ADCK1: variants seen among roughly 807,000 people sequenced by gnomAD.
ADCK1 encodes the protein aarF domain containing kinase 1, also known as aarF domain-containing protein kinase 1.
In ADCK1, 41 loss-of-function variants were observed where a neutral mutation model predicts 52.3. That is an observed-to-expected ratio of 0.78 (90% CI 0.61 to 1.02). The LOEUF is 1.02. Among genes scored for constraint, ADCK1 ranks in the 50% least tolerant of loss-of-function variants. The probability of loss-of-function intolerance (pLI) is 0.00; values close to 1 mark genes in which losing one functional copy is unlikely to be tolerated. For missense variants in ADCK1, 658 were observed against 679.5 expected, an observed-to-expected ratio of 0.97 and a Z score of 0.35; for synonymous variants, 250 against 274.6, an observed-to-expected ratio of 0.91 and a Z score of 0.89.
At chr14:77,899,060 T>G in intron 5 of ADCK1, 40 bp from the exon 6 acceptor site, 2 of 1,611,518 alleles carry the variant, frequency 1.2e-6, no homozygotes, top group South Asian at 2.2e-5. Flanking sequence ...CCTTGGTATA[T>G]GCTGTGGGCC....
chr14:77,870,289 A>G (rs2082749060), intron 4 of ADCK1, among the ~76,000 whole-genome samples: 1 of 151,928 alleles, frequency 6.6e-6, no homozygotes, highest in African/African-American at 2.4e-5. Flanking sequence ...TGACATCTCC[A>G]CTCTTCCCGC....
At chr14:77,845,955 G>C (rs1259468060) in intron 3 of ADCK1, among the ~76,000 whole-genome samples, 1 of 152,120 alleles carries the variant, frequency 6.6e-6, no homozygotes, top group Non-Finnish European at 1.5e-5. Context: ...GTGTGAGATG[G>C]TGCTGGATCT....
chr14:77,905,303 G>GTTTTTTTTTTTTTTT lies in ADCK1; in HGVS notation c.742-2500_742-2499insTTTTTTTTTTTTTTT, dbSNP rs1566722295. On this transcript the variant is annotated intron_variant, in intron 6 of 10. Coordinates refer to ENST00000238561, the MANE Select transcript of ADCK1 (RefSeq NM_020421.4). ...TTCCACCTGTGACTCTTTCCTAGCT[G>GTTTTTTTTTTTTTTT]GTTTTTTTTTTTTTTTTTTTTGAGA... Among the ~76,000 whole-genome samples, 4 of 65,372 alleles carry GTTTTTTTTTTTTTTT rather than the reference G, an allele frequency of 6.1e-5. No individual in the cohort carries two copies. In the South Asian group the frequency reaches 1.2e-3, roughly 20 times the overall value. The allele number at this position is 65,372 out of a possible 152,430, so 42.9% of individuals were successfully genotyped here.
chr14:77,816,889 T>TATATATTTAATATATATTTAA (rs2081464815), intron 1 of ADCK1, among the ~76,000 whole-genome samples: 3 of 143,658 alleles, frequency 2.1e-5, no homozygotes, highest in African/African-American at 7.5e-5. Context: ...TAAATATATA[T>TATATATTTAATATATATTTAA]ATATATATAT....
intron 7 of ADCK1, among the ~76,000 whole-genome samples, chr14:77,914,928 T>C (rs2083882511): frequency 6.7e-6 from 1 of 149,006 alleles, no homozygotes; most frequent in Non-Finnish European, 1.5e-5. Flanking sequence ...ATTAAGCATA[T>C]GGTACCCCCT....
chr14:77,933,162 G>A (rs1346915882), intron 10 of ADCK1, 58 bp from the exon 11 acceptor site: 18 of 1,572,288 alleles, frequency 1.1e-5, no homozygotes, highest in Non-Finnish European at 1.6e-5. Context: ...AAATGATACA[G>A]AGCTAGTGTT....
intron 7 of ADCK1, among the ~76,000 whole-genome samples, chr14:77,909,127 C>CT (rs55821210): frequency 0.3 from 31,287 of 103,248 alleles, 5,420 homozygotes; most frequent in Middle Eastern, 0.36. Flanking sequence ...GAGGTAAATG[C>CT]TTTTTTTTTT....
chr14:77,908,038 G>T, intron 7 of ADCK1, 119 bp downstream of exon 7: 1 of 756,034 alleles, frequency 1.3e-6, no homozygotes. Flanking sequence ...CTTTAATAGG[G>T]CCCATTGTCT....
chr14:77,806,831 C>T (rs1408306863), intron 1 of ADCK1, among the ~76,000 whole-genome samples: 1 of 152,056 alleles, frequency 6.6e-6, no homozygotes, highest in African/African-American at 2.4e-5. Flanking sequence ...TCTTGTGCCT[C>T]AGCCTCCTGA....
intron 7 of ADCK1, among the ~76,000 whole-genome samples, chr14:77,911,995 C>T (rs1198203514): frequency 2.6e-5 from 4 of 152,198 alleles, no homozygotes; most frequent in South Asian, 2.1e-4. Context: ...AGCTCTCTCA[C>T]GTCCCTCCCG....
At chr14:77,924,263 AG>A (rs1231672023) in intron 7 of ADCK1, 193 bp from the exon 8 acceptor site, 16 of 659,380 alleles carry the variant, frequency 2.4e-5, no homozygotes, top group Middle Eastern at 4.3e-4. Flanking sequence ...CATGATTCTA[AG>A]GTGCAGCTAA....
rs568691469 is a variant in ADCK1, at chr14:77,829,413, G to A, written c.219+6895G>A. ...GGGCTTAAGCTATCCTCCCACTTTA[G>A]CCTCCTGAGTAGTGGACTACAGGTG... On this transcript the variant is annotated intron_variant, in intron 3 of 10. Coordinates refer to ENST00000238561, the MANE Select transcript of ADCK1 (RefSeq NM_020421.4). 8.1e-4 allele frequency among the ~76,000 whole-genome samples: 122 copies of A among 150,654 alleles called. 6 individuals carry two copies. Among genetic ancestry groups the A allele is most frequent in the Non-Finnish European group, 5.6e-4 (38 of 67,438 alleles).
At chr14:77,891,585 TC>T (rs2083285183) in intron 5 of ADCK1, among the ~76,000 whole-genome samples, 1 of 152,232 alleles carries the variant, frequency 6.6e-6, no homozygotes, top group Non-Finnish European at 1.5e-5. Flanking sequence ...CACATGCTTT[TC>T]TTGGGAAGCA....
intron 4 of ADCK1, among the ~76,000 whole-genome samples, chr14:77,878,611 C>T (rs952886834): frequency 3.9e-5 from 6 of 152,196 alleles, no homozygotes; most frequent in African/African-American, 1.4e-4. Context: ...AGGGCTGGCT[C>T]ATTGCCTCAG....
At chr14:77,817,910 T>TG (rs11432548) in intron 1 of ADCK1, among the ~76,000 whole-genome samples, 1 of 5,200 alleles carries the variant, frequency 1.9e-4, no homozygotes, top group Non-Finnish European at 3.5e-4. Context: ...TAATTTTTTG[T>TG]TTTTTTTTTA....
At chr14:77,854,540 T>A (rs2082376662) in intron 3 of ADCK1, among the ~76,000 whole-genome samples, 1 of 146,270 alleles carries the variant, frequency 6.8e-6, no homozygotes, top group Non-Finnish European at 1.5e-5. Context: ...AGGTAGCAGC[T>A]CTCTTCGGAG....
Position 77,858,385 on chromosome 14 carries a change from C to T in ADCK1, c.220-691C>T, listed in dbSNP as rs560466447. The stretch of plus-strand genomic sequence containing the variant: ...CCAAGTAGCTGGGATTACAGGTGCC[C>T]GCCACCATGCCTGGATAATTTTTTT... On this transcript the variant is annotated intron_variant, in intron 3 of 10. Coordinates refer to ENST00000238561, the MANE Select transcript of ADCK1 (RefSeq NM_020421.4). Among the ~76,000 whole-genome samples the T allele has an allele frequency of 4.6e-5, 7 of 152,104 alleles. No individual in the cohort carries two copies. In the South Asian group the frequency reaches 1.0e-3, roughly 23 times the overall value.
At chr14:77,834,687 C>A (rs975683189) in intron 3 of ADCK1, among the ~76,000 whole-genome samples, 1 of 152,232 alleles carries the variant, frequency 6.6e-6, no homozygotes, top group Non-Finnish European at 1.5e-5. Context: ...CAGTTCCTCT[C>A]GTGTGCATGT....
rs71128689 is a variant in ADCK1 at position 77,816,881 on chromosome 14, A to AATATATATATATATATATATATATATAT, written c.-11-2065_-11-2064insATATATATATATATATATATATATATAT. 6.1e-3 allele frequency among the ~76,000 whole-genome samples: 664 copies of AATATATATATATATATATATATATATAT among 109,606 alleles called. 13 individuals carry two copies. Among genetic ancestry groups the AATATATATATATATATATATATATATAT allele is most frequent in the Non-Finnish European group, 9.4e-3 (464 of 49,498 alleles). The allele number at this position is 109,606 out of a possible 152,430, so 71.9% of individuals were successfully genotyped here. ...CACCATCTCCAGGTAGTAGATGGTA[A>AATATATATATATATATATATATATATAT]ATATATATATATATATATATATTTA... On this transcript the variant is annotated intron_variant, in intron 1 of 10. Coordinates refer to ENST00000238561, the MANE Select transcript of ADCK1 (RefSeq NM_020421.4).
Sources: gnomAD v4.1 joint callset for allele counts (sites outside exome capture counted in the v4.1 genomes callset) on GRCh38, gnomAD v4.1.1 for gene constraint, MANE v1.5 for transcripts, NCBI Gene and HGNC (gene_info 2026-07-23, HGNC 2026-07-21) for gene names.